The following MCCC1 variants were observed in gnomAD, a reference collection of about 807,000 sequenced individuals.
MCCC1 encodes methylcrotonyl-CoA carboxylase subunit 1, also known as methylcrotonoyl-CoA carboxylase subunit alpha, mitochondrial.
In MCCC1, 64 loss-of-function variants were observed where a neutral mutation model predicts 83.8. That is an observed-to-expected ratio of 0.76 (90% CI 0.62 to 0.94). The LOEUF (loss-of-function observed/expected upper bound fraction) is 0.94, where lower values mean the gene tolerates loss of function less well. Ranked by LOEUF, MCCC1 falls within the 40% of genes least tolerant of loss-of-function variation. The probability of loss-of-function intolerance (pLI) is 0.00; values close to 1 mark genes in which losing one functional copy is unlikely to be tolerated. For synonymous variants in MCCC1, 322 were observed against 315.4 expected (o/e 1.02, Z -0.22); for missense variants, 807 against 904.7 (o/e 0.89, Z 1.39).
At chr3:183,038,234 C>T (rs150721325) in intron 12 of MCCC1, among the ~76,000 whole-genome samples, 12 of 152,196 alleles carry the variant, frequency 7.9e-5, no homozygotes, top group Admixed American at 2.0e-4. Flanking sequence ...TGAAGGCTGG[C>T]TAAGAGGATA....
upstream of MCCC1, among the ~76,000 whole-genome samples, chr3:183,099,817 C>A (rs537558614): frequency 7.9e-5 from 12 of 152,324 alleles, no homozygotes; most frequent in East Asian, 2.3e-3. Flanking sequence ...GGGAGAAGAA[C>A]CCTGGGGAAG....
chr3:183,072,382 C>T lies in MCCC1; in HGVS notation c.475G>A (p.Asp159Asn). The change falls in exon 5 of 19, where the codon GAC becomes AAC. Residue 159 changes from aspartate (D) to asparagine (N), a missense_variant. Transcript: ENST00000265594. ...AACTCATACCTCTTTATACCCATGT[C>T]TCTAATTGCAGATGGAGGAGGGCCT... ...FIGPPPSAIR[D>N]MGIKSTSKSI... The T allele has an allele frequency of 1.2e-6, 2 of 1,613,830 alleles. No individual in the cohort carries two copies. The highest frequency in any genetic ancestry group is 1.7e-6 in the Non-Finnish European group (2 of 1,179,768).
At chr3:183,102,075 G>C (rs975808497), upstream of MCCC1, among the ~76,000 whole-genome samples, 1 of 152,216 alleles carries the variant, frequency 6.6e-6, no homozygotes, top group Non-Finnish European at 1.5e-5. Flanking sequence ...CTTGAAGTCA[G>C]TGAGACCAAG....
At chr3:183,099,678 G>T (rs1719026530), upstream of MCCC1, 3 of 600,482 alleles carry the variant, frequency 5.0e-6, no homozygotes, top group Non-Finnish European at 8.9e-6. Flanking sequence ...TGGGGGTGTG[G>T]CCTTTGTTTC....
intron 17 of MCCC1, among the ~76,000 whole-genome samples, chr3:183,018,008 G>A (rs955991027): frequency 2.9e-4 from 44 of 151,538 alleles, no homozygotes; most frequent in African/African-American, 1.0e-3. Flanking sequence ...GAGGCCTACA[G>A]GTCAAATGCA....
chr3:183,083,809 C>T (rs763507408), intron 4 of MCCC1, among the ~76,000 whole-genome samples: 1 of 152,160 alleles, frequency 6.6e-6, no homozygotes, highest in Non-Finnish European at 1.5e-5. Context: ...GCTCATTGGC[C>T]TACAAGAAGT....
intron 17 of MCCC1, 58 bp downstream of exon 17, chr3:183,020,072 T>A: frequency 7.4e-7 from 1 of 1,342,352 alleles, no homozygotes. Flanking sequence ...ATGACAAGTT[T>A]AACAAAGCCA....
At chr3:183,025,425 G>C (rs1295133260) in intron 15 of MCCC1, among the ~76,000 whole-genome samples, 1 of 152,198 alleles carries the variant, frequency 6.6e-6, no homozygotes, top group African/African-American at 2.4e-5. Flanking sequence ...AGAGTGTACA[G>C]TTCCTGAGAC....
At chr3:183,038,806 C>A (rs749927065) in intron 12 of MCCC1, among the ~76,000 whole-genome samples, 2 of 152,344 alleles carry the variant, frequency 1.3e-5, no homozygotes, top group Middle Eastern at 3.4e-3. Context: ...CTGACACTAA[C>A]AATTTTACTT....
intron 1 of MCCC1, among the ~76,000 whole-genome samples, chr3:183,097,913 T>A (rs959680953): frequency 3.9e-5 from 6 of 152,188 alleles, no homozygotes; most frequent in East Asian, 1.9e-4. Flanking sequence ...CTTTTTTTTT[T>A]ATTTTTTTAT....
In MCCC1 at chr3:183,053,712, G is replaced by C. The variant is rs551547068; in HGVS notation, c.874-1472C>G. Among the ~76,000 whole-genome samples the C allele has an allele frequency of 6.6e-5, 10 of 150,476 alleles. No individual in the cohort carries two copies. The East Asian group carries it at 1.8e-3, about 27-fold the overall frequency. ...CCCAGCTACTCTGGAGGCTGAGGCA[G>C]GAGAATGGCGTGAACCCAGGAGGCA... On this transcript the variant is annotated intron_variant, in intron 8 of 18. Coordinates refer to ENST00000265594, the MANE Select transcript of MCCC1 (RefSeq NM_020166.5).
At chr3:183,036,941 G>C (rs1271653069) in intron 13 of MCCC1, among the ~76,000 whole-genome samples, 1 of 152,086 alleles carries the variant, frequency 6.6e-6, no homozygotes, top group African/African-American at 2.4e-5. Flanking sequence ...CCAAAGTGCT[G>C]GGATTACAGA....
At chr3:183,075,731 C>T (rs1272732002) in intron 4 of MCCC1, among the ~76,000 whole-genome samples, 2 of 151,996 alleles carry the variant, frequency 1.3e-5, no homozygotes, top group Non-Finnish European at 2.9e-5. Context: ...TTAGTAGAGA[C>T]AGGGTTTCAC....
chr3:183,115,678 T>C, exon 1 of MCCC1: 1 of 152,060 alleles, frequency 6.6e-6, no homozygotes, highest in Non-Finnish European at 1.5e-5. Context: ...ATGGTGAAAC[T>C]CCATCTCTAC....
At chr3:183,086,833 C>T (rs1173634648) in intron 3 of MCCC1, 45 bp from the exon 4 acceptor site, 3 of 1,520,076 alleles carry the variant, frequency 2.0e-6, no homozygotes, top group Admixed American at 3.5e-5. Flanking sequence ...GTGGCTAGTA[C>T]ATACTCATAC....
intron 9 of MCCC1, among the ~76,000 whole-genome samples, chr3:183,050,823 T>A (rs765624056): frequency 5.3e-5 from 8 of 151,442 alleles, no homozygotes; most frequent in Non-Finnish European, 1.2e-4. Flanking sequence ...TACAAAGGAC[T>A]CTTAAAACTC....
upstream of MCCC1, among the ~76,000 whole-genome samples, chr3:183,101,857 C>T (rs553468382): frequency 1.3e-5 from 2 of 152,242 alleles, no homozygotes; most frequent in Admixed American, 6.5e-5. Context: ...ACCACGAGCC[C>T]ACCGGGAGGA....
intron 1 of MCCC1, among the ~76,000 whole-genome samples, chr3:183,112,917 A>ACAAAAAT (rs1719523298): frequency 6.6e-6 from 1 of 151,816 alleles, no homozygotes; most frequent in Non-Finnish European, 1.5e-5. Flanking sequence ...TAAAAAATAA[A>ACAAAAAT]AAAAAATAAA....
chr3:183,085,877 G>A lies in MCCC1; in HGVS notation c.369+816C>T, dbSNP rs1380195570. On this transcript the variant is annotated intron_variant, in intron 4 of 18. Coordinates refer to ENST00000265594, the MANE Select transcript of MCCC1 (RefSeq NM_020166.5). ...CTTTCCTTCTCCTCACCGCCGGGAA[G>A]CGGCCATTGGTTCCAGTCTTCAGGT... Among the ~76,000 whole-genome samples, 5 of 152,130 alleles carry A rather than the reference G, an allele frequency of 3.3e-5. 1 individual carries two copies. The East Asian group carries it at 9.6e-4, about 29-fold the overall frequency.
Sources: allele counts gnomAD v4.1 joint callset (sites outside exome capture counted in the v4.1 genomes callset), GRCh38; gene constraint gnomAD v4.1.1; transcripts MANE v1.5; gene names NCBI Gene and HGNC (gene_info 2026-07-23, HGNC 2026-07-21).